The following IFI44 variants were observed in gnomAD, a reference collection of about 807,000 sequenced individuals.
IFI44 encodes the protein interferon-induced protein 44.
In IFI44, 42 loss-of-function variants were observed where a neutral mutation model predicts 45.0. The observed-to-expected ratio is 0.93, with a 90% CI of 0.73 to 1.21. The LOEUF is 1.21. Ranked by LOEUF, IFI44 falls within the 50% of genes most tolerant of loss-of-function variation. IFI44 has a pLI of 0.00. For missense variants in IFI44, 623 were observed against 525.8 expected, an observed-to-expected ratio of 1.18 and a Z score of -1.81; for synonymous variants, 221 against 188.6, an observed-to-expected ratio of 1.17 and a Z score of -1.41.
At position 78,650,448 on chromosome 1, in the gene IFI44, A is replaced by C. The variant is rs201689990; in HGVS notation, c.253A>C (p.Thr85Pro). Reference sequence around the variant, plus strand: ...CATCATCCTTTTTGCACTTCAAGATACTAAAATTTCAGAATGGAAACTAGG... The same window carrying C: ...CATCATCCTTTTTGCACTTCAAGATCCTAAAATTTCAGAATGGAAACTAGG... Reference protein sequence around the residue: ...ASIILFALQDTKISEWKLGLC... With the variant: ...ASIILFALQDPKISEWKLGLC... Residue 85 changes from threonine (T) to proline (P), a missense_variant, in exon 2 of 9, where the codon ACT (threonine) becomes CCT (proline). Coordinates refer to ENST00000370747, the MANE Select transcript of IFI44 (RefSeq NM_006417.5). 6.2e-7 allele frequency: 1 copy of C among 1,613,952 alleles called. No individual in the cohort carries two copies. The highest frequency in any genetic ancestry group is 1.7e-5 in the Admixed American group (1 of 60,006).
chr1:78,663,264 T>C, intron 8 of IFI44: 1 of 985,336 alleles, frequency 1.0e-6, no homozygotes, highest in Non-Finnish European at 1.2e-6. Flanking sequence ...CTTTGATTAT[T>C]TGCCCCTTCC....
At chr1:78,653,943 G>A (rs1455756892) in intron 2 of IFI44, among the ~76,000 whole-genome samples, 1 of 152,134 alleles carries the variant, frequency 6.6e-6, no homozygotes, top group African/African-American at 2.4e-5. Flanking sequence ...AACACCCACA[G>A]CCTCAATTCC....
At chr1:78,650,763 A>G in intron 2 of IFI44, 111 bp downstream of exon 2, 1 of 698,262 alleles carries the variant, frequency 1.4e-6, no homozygotes, top group Non-Finnish European at 2.4e-6. Flanking sequence ...AATAATTTGG[A>G]TGATTCAGAC....
intron 5 of IFI44, 121 bp from the exon 6 acceptor site, chr1:78,659,191 C>A (rs1184445966): frequency 5.4e-6 from 4 of 744,434 alleles, no homozygotes; most frequent in Non-Finnish European, 8.7e-6. Context: ...TTGTTAGCCT[C>A]ATACTATTAG....
intron 2 of IFI44, among the ~76,000 whole-genome samples, chr1:78,652,189 C>A (rs1417177452): frequency 6.6e-6 from 1 of 152,124 alleles, no homozygotes; most frequent in African/African-American, 2.4e-5. Flanking sequence ...TCAAGTAATT[C>A]TCCTGCCTCA....
In IFI44 at chr1:78,662,852, T is replaced by C. The variant is rs757350625; in HGVS notation, c.1262T>C (p.Leu421Ser). 1.1e-5 allele frequency: 18 copies of C among 1,611,120 alleles called. No individual in the cohort carries two copies. The highest frequency in any genetic ancestry group is 2.7e-5 in the African/African-American group (2 of 73,696). ...RRMLWAADDF[L>S]EDLPFEQIGN... ...ATGCTATGGGCTGCAGATGACTTCT[T>C]AGAGGATTTGCCTTTTGAGCAAATA... The change falls in exon 8 of 9, where the codon TTA becomes TCA. Residue 421 changes from leucine to serine, a missense_variant. Leu to Ser is a moderately radical substitution (Grantham distance 145). Transcript: ENST00000370747.
rs201428770 is a variant in IFI44 at position 78,655,171 on chromosome 1, G to A, written c.652G>A (p.Ala218Thr). Residue 218 changes from alanine to threonine, a missense_variant, in exon 4 of 9, where the codon GCT (alanine) becomes ACT (threonine). Ala to Thr is a moderately conservative substitution (Grantham distance 58). Transcript: ENST00000370747. ...TTTCCAAGGGCATGTAACGCATCAG[G>A]CTTTGGTGGGCACTAATACAACTGG... The part of the protein sequence containing the change: ...SVFQGHVTHQ[A>T]LVGTNTTGIS... The A allele has an allele frequency of 5.3e-5, 86 of 1,613,672 alleles. No homozygotes were observed. The highest frequency in any genetic ancestry group is 8.5e-6 in the Non-Finnish European group (10 of 1,179,852).
At position 78,662,420 on chromosome 1, in the gene IFI44, T is replaced by C. The variant is rs72935644; in HGVS notation, c.1114-284T>C. On this transcript the variant is annotated intron_variant, in intron 7 of 8. Coordinates refer to ENST00000370747, the MANE Select transcript of IFI44 (RefSeq NM_006417.5). ...AATCTACTTATCCAGAGAATGTTTT[T>C]TAAAAGAAACAGGAAATATATGGAC... 9.2e-3 allele frequency among the ~76,000 whole-genome samples: 1,398 copies of C among 152,312 alleles called. 19 individuals carry two copies. Among genetic ancestry groups the C allele is most frequent in the African/African-American group, 0.032 (1,337 of 41,552 alleles).
intron 7 of IFI44, chr1:78,662,499 A>G (rs1647519126): frequency 3.7e-6 from 2 of 539,188 alleles, no homozygotes; most frequent in South Asian, 4.9e-5. Flanking sequence ...AATCCACTGC[A>G]TGTATTCCAA....
chr1:78,650,115 A>G, intron 1 of IFI44, 71 bp from the exon 2 acceptor site: 1 of 1,135,792 alleles, frequency 8.8e-7, no homozygotes, highest in Non-Finnish European at 1.2e-6. Context: ...AGAGGCATAA[A>G]TGCAAATTTT....
chr1:78,650,980 A>G (rs1292294245), intron 2 of IFI44, among the ~76,000 whole-genome samples: 1 of 152,226 alleles, frequency 6.6e-6, no homozygotes, highest in Non-Finnish European at 1.5e-5. Flanking sequence ...TCATCATTAT[A>G]GAAGAAAGAC....
intron 5 of IFI44, among the ~76,000 whole-genome samples, chr1:78,659,090 A>G (rs887194921): frequency 9.2e-5 from 14 of 152,022 alleles, no homozygotes; most frequent in African/African-American, 3.1e-4. Flanking sequence ...TTTAGCTCTC[A>G]GATTACATGT....
intron 2 of IFI44, among the ~76,000 whole-genome samples, chr1:78,653,667 A>G (rs1647158784): frequency 6.6e-6 from 1 of 152,132 alleles, no homozygotes; most frequent in Non-Finnish European, 1.5e-5. Flanking sequence ...TGAACAATTT[A>G]CTGTGCTCTG....
rs1647328241 is a variant in IFI44, at chr1:78,659,466, G to A, written c.995G>A (p.Arg332Lys). 2 of 1,612,534 alleles carry A rather than the reference G, an allele frequency of 1.2e-6. No individual in the cohort carries two copies. Among genetic ancestry groups the A allele is most frequent in the Admixed American group, 3.3e-5 (2 of 59,910 alleles). The change falls in exon 6 of 9, where the codon AGG becomes AAG. Residue 332 changes from arginine to lysine, a missense_variant. Transcript: ENST00000370747. Reference sequence around the variant, plus strand: ...ATAGTAAAGATCAAAAGAATTCGAAGGGAGTTGGTAAACGCTGGTGAGTCT... The same window carrying A: ...ATAGTAAAGATCAAAAGAATTCGAAAGGAGTTGGTAAACGCTGGTGAGTCT... ...QMIVKIKRIR[R>K]ELVNAGVVHV... is the part of the protein sequence containing the mutation.
At chr1:78,660,749 G>A (rs1223966010) in intron 7 of IFI44, 95 bp downstream of exon 7, 1 of 844,096 alleles carries the variant, frequency 1.2e-6, no homozygotes, top group South Asian at 1.4e-5. Flanking sequence ...CAGCTACTGG[G>A]TTTAAGAAGA....
chr1:78,659,726 T>C (rs1570401224), intron 6 of IFI44, among the ~76,000 whole-genome samples: 1 of 152,212 alleles, frequency 6.6e-6, no homozygotes, highest in South Asian at 2.1e-4. Flanking sequence ...TAGTACCTCT[T>C]AGAGACTTTT....
At position 78,662,643 on chromosome 1, in the gene IFI44, T is replaced by C. The variant is rs116237485; in HGVS notation, c.1114-61T>C. 1.1e-4 allele frequency: 139 copies of C among 1,323,668 alleles called. 1 individual carries two copies. In the African/African-American group the frequency reaches 1.9e-3, roughly 18 times the overall value. 82.0% of individuals were successfully genotyped at this position (1,323,668 alleles called of 1,614,324 possible). On this transcript the variant is annotated intron_variant, in intron 7 of 8. Coordinates refer to ENST00000370747, the MANE Select transcript of IFI44 (RefSeq NM_006417.5). ...ATCTTGATATTGCTTTCATAATTTA[T>C]ACTAACATAAAATAATATTTTTCAC...
In IFI44 at chr1:78,662,638, ATT is replaced by A; in HGVS notation, c.1114-64_1114-63del. ...CCTACATCTTGATATTGCTTTCATA[ATT>A]TATACTAACATAAAATAATATTTTT... On this transcript the variant is annotated intron_variant, in intron 7 of 8. Transcript: ENST00000370747. The A allele has an allele frequency of 2.3e-6, 3 of 1,298,574 alleles. No homozygotes were observed. In the South Asian group the frequency reaches 4.0e-5, roughly 17 times the overall value. The allele number at this position is 1,298,574 out of a possible 1,614,324, so 80.4% of individuals were successfully genotyped here. A position where few individuals can be genotyped will look rare whatever the true frequency, so the allele number is the denominator to read the frequency against.
intron 2 of IFI44, among the ~76,000 whole-genome samples, chr1:78,653,606 A>G (rs1647157853): frequency 6.6e-6 from 1 of 152,194 alleles, no homozygotes; most frequent in Non-Finnish European, 1.5e-5. Context: ...TCCAAAAAAA[A>G]AATTCTGAGC....
Sources: gnomAD v4.1 joint callset for allele counts (sites outside exome capture counted in the v4.1 genomes callset) on GRCh38, gnomAD v4.1.1 for gene constraint, MANE v1.5 for transcripts, NCBI Gene and HGNC (gene_info 2026-07-23, HGNC 2026-07-21) for gene names.